The following DAB1 variants were observed in gnomAD, a reference collection of about 807,000 sequenced individuals.
DAB1 encodes DAB adaptor protein 1.
Under a neutral mutation model 64.6 loss-of-function variants are expected in DAB1, and 15 were observed. That is an observed-to-expected ratio of 0.23 (90% CI 0.16 to 0.36). The LOEUF is 0.36. Among genes scored for constraint, DAB1 ranks in the 10% least tolerant of loss-of-function variants. The pLI is 1.00. For synonymous variants in DAB1, 235 were observed against 251.9 expected (o/e 0.93, Z 0.64); for missense variants, 596 against 706.7 (o/e 0.84, Z 1.78).
At chr1:57,920,228 A>G (rs1644788669) in intron 5 of DAB1, among the ~76,000 whole-genome samples, 1 of 152,174 alleles carries the variant, frequency 6.6e-6, no homozygotes, top group South Asian at 2.1e-4. Context: ...ATTCTTTCCA[A>G]GGCCTTATTC....
intron 2 of DAB1, among the ~76,000 whole-genome samples, chr1:57,215,323 C>T (rs550867870): frequency 1.1e-4 from 17 of 152,306 alleles, no homozygotes; most frequent in African/African-American, 4.1e-4. Context: ...AACAGTTGCT[C>T]CCTGTGAGGA....
chr1:57,999,314 T>C (rs1181593007), intron 5 of DAB1, among the ~76,000 whole-genome samples: 1 of 152,194 alleles, frequency 6.6e-6, no homozygotes, highest in Non-Finnish European at 1.5e-5. Context: ...TCTCGAAGTG[T>C]GTCCTGGACC....
intron 4 of DAB1, among the ~76,000 whole-genome samples, chr1:57,110,187 A>C (rs1655529344): frequency 6.6e-6 from 1 of 152,224 alleles, no homozygotes; most frequent in Non-Finnish European, 1.5e-5. Flanking sequence ...TAAAAACATG[A>C]GCGAGACCAG....
chr1:58,192,864 T>C (rs1448926992), intron 4 of DAB1, among the ~76,000 whole-genome samples: 6 of 152,182 alleles, frequency 3.9e-5, no homozygotes, highest in African/African-American at 1.4e-4. Flanking sequence ...TTTAAATAAG[T>C]ACAGAGTTTC....
chr1:57,554,593 G>A (rs1644965263), intron 7 of DAB1, among the ~76,000 whole-genome samples: 1 of 152,148 alleles, frequency 6.6e-6, no homozygotes. Flanking sequence ...AAAAAAATGC[G>A]TTTTGAATTC....
At chr1:58,489,119 G>A (rs564210838) in intron 3 of DAB1, among the ~76,000 whole-genome samples, 6 of 152,288 alleles carry the variant, frequency 3.9e-5, no homozygotes, top group African/African-American at 7.2e-5. Context: ...GCAGCGCACC[G>A]AGCGTGAGCC....
chr1:57,714,820 G>A (rs1423500638), intron 6 of DAB1, among the ~76,000 whole-genome samples: 1 of 152,138 alleles, frequency 6.6e-6, no homozygotes, highest in Non-Finnish European at 1.5e-5. Context: ...TTTTATAGAA[G>A]TACTGAGTCA....
chr1:57,982,964 T>C (rs776040881), intron 5 of DAB1, among the ~76,000 whole-genome samples: 1 of 152,192 alleles, frequency 6.6e-6, no homozygotes, highest in Non-Finnish European at 1.5e-5. Context: ...AAACGAAGGC[T>C]CAGAGAGAAT....
chr1:57,356,224 A>G (rs1219515511), intron 1 of DAB1, among the ~76,000 whole-genome samples: 2 of 152,058 alleles, frequency 1.3e-5, no homozygotes, highest in African/African-American at 4.8e-5. Flanking sequence ...GCTCCTTTTC[A>G]AAGACAGTAA....
chr1:57,236,280 T>G (rs1379588922), intron 2 of DAB1, among the ~76,000 whole-genome samples: 2 of 152,202 alleles, frequency 1.3e-5, no homozygotes, highest in Non-Finnish European at 2.9e-5. Flanking sequence ...AGCAGGGGAT[T>G]CAAATGTGAC....
intron 4 of DAB1, among the ~76,000 whole-genome samples, chr1:58,201,422 G>A (rs570541921): frequency 6.6e-6 from 1 of 152,166 alleles, no homozygotes; most frequent in East Asian, 1.9e-4. Context: ...CCTCTGCTTT[G>A]CTGAATACCA....
chr1:57,950,245 T>A (rs1645252270), intron 5 of DAB1, among the ~76,000 whole-genome samples: 1 of 152,154 alleles, frequency 6.6e-6, no homozygotes, highest in South Asian at 2.1e-4. Flanking sequence ...ATAATAATAA[T>A]ATCTACCTCC....
At chr1:57,320,987 T>C (rs954586220) in intron 1 of DAB1, among the ~76,000 whole-genome samples, 5 of 152,156 alleles carry the variant, frequency 3.3e-5, no homozygotes, top group Admixed American at 2.6e-4. Context: ...GTAAACTATG[T>C]ATTACAGTCA....
chr1:57,644,347 T>C (rs1646166805), intron 7 of DAB1, among the ~76,000 whole-genome samples: 1 of 152,152 alleles, frequency 6.6e-6, no homozygotes. Flanking sequence ...AAAAACATTT[T>C]TGGATTACAA....
At chr1:57,907,565 A>C (rs573225775) in intron 5 of DAB1, among the ~76,000 whole-genome samples, 1 of 152,304 alleles carries the variant, frequency 6.6e-6, no homozygotes, top group South Asian at 2.1e-4. Flanking sequence ...ATTAGCTGTC[A>C]ACGACCCTAT....
intron 5 of DAB1, among the ~76,000 whole-genome samples, chr1:58,058,051 A>C (rs1432443989): frequency 6.6e-6 from 1 of 152,150 alleles, no homozygotes; most frequent in Non-Finnish European, 1.5e-5. Context: ...CAACACTGTT[A>C]TATGACTGGT....
chr1:57,951,144 A>G (rs2100236368), intron 5 of DAB1, among the ~76,000 whole-genome samples: 1 of 151,760 alleles, frequency 6.6e-6, no homozygotes, highest in East Asian at 1.9e-4. Context: ...TTATAGGCAG[A>G]GCATCTATTT....
chr1:57,287,778 T>TTTTATTTATTTA (rs10647426), intron 2 of DAB1, among the ~76,000 whole-genome samples: 18,653 of 143,986 alleles, frequency 0.13, 1,317 homozygotes, highest in Middle Eastern at 0.15. Flanking sequence ...TTTCTCTCTC[T>TTTTATTTATTTA]TTTATTTATT....
chr1:58,541,614 CAAAAA>C (rs60360589), intron 1 of DAB1: 8 of 65,622 alleles, frequency 1.2e-4, no homozygotes, highest in African/African-American at 4.2e-4. Flanking sequence ...GAGAACCTGT[CAAAAA>C]AAAAAAAAAA....
Sources: allele counts gnomAD v4.1 joint callset (sites outside exome capture counted in the v4.1 genomes callset), GRCh38; gene constraint gnomAD v4.1.1; transcripts MANE v1.5; gene names NCBI Gene and HGNC (gene_info 2026-07-23, HGNC 2026-07-21).